PLCH1: variants seen among roughly 807,000 people sequenced by gnomAD.
PLCH1 encodes the protein 1-phosphatidylinositol 4,5-bisphosphate phosphodiesterase eta-1.
PLCH1 carries 60 observed loss-of-function variants against 126.7 expected under a neutral mutation model. The ratio of observed to expected loss-of-function variants is 0.47; its 90% CI spans 0.38 to 0.59. PLCH1 has a LOEUF of 0.59. Ranked by LOEUF, PLCH1 falls within the 20% of genes least tolerant of loss-of-function variation. PLCH1 has a pLI of 0.00. For missense variants in PLCH1, 1,723 were observed against 2,040.0 expected, an observed-to-expected ratio of 0.84 and a Z score of 2.99; for synonymous variants, 719 against 734.9, an observed-to-expected ratio of 0.98 and a Z score of 0.35.
chr3:155,729,341 A>G (rs142766910), intron 1 of PLCH1, among the ~76,000 whole-genome samples: 1 of 152,322 alleles, frequency 6.6e-6, no homozygotes, highest in Non-Finnish European at 1.5e-5. Flanking sequence ...ATGCCAATCC[A>G]AACTCCAAAC....
chr3:155,711,596 G>A (rs561500422), intron 1 of PLCH1, among the ~76,000 whole-genome samples: 69 of 152,026 alleles, frequency 4.5e-4, no homozygotes, highest in African/African-American at 1.4e-3. Flanking sequence ...CTGATTTTTC[G>A]CTCCTCTAGA....
intron 2 of PLCH1, chr3:155,676,369 T>A: frequency 2.9e-6 from 3 of 1,050,160 alleles, no homozygotes; most frequent in Non-Finnish European, 3.4e-6. Context: ...ACTTTGGGTA[T>A]GAGACATGCA....
intron 2 of PLCH1, among the ~76,000 whole-genome samples, chr3:155,702,687 A>G (rs1746363716): frequency 6.6e-6 from 1 of 152,232 alleles, no homozygotes; most frequent in Non-Finnish European, 1.5e-5. Context: ...AATGAGTTTA[A>G]GGCACTTAAA....
intron 2 of PLCH1, among the ~76,000 whole-genome samples, chr3:155,636,989 T>C (rs543274762): frequency 6.6e-6 from 1 of 152,352 alleles, no homozygotes; most frequent in East Asian, 1.9e-4. Flanking sequence ...ATTTTTACTG[T>C]AGTCCACAAA....
At chr3:155,496,417 A>C (rs1717042097) in intron 15 of PLCH1, among the ~76,000 whole-genome samples, 1 of 152,110 alleles carries the variant, frequency 6.6e-6, no homozygotes, top group South Asian at 2.1e-4. Flanking sequence ...TGTGAAATTC[A>C]TTTAAATCTT....
intron 6 of PLCH1, among the ~76,000 whole-genome samples, chr3:155,582,075 C>CTTTTTTTTTTTTTTTTTTTTTTTT (rs869254665): frequency 6.2e-5 from 4 of 64,126 alleles, no homozygotes; most frequent in Admixed American, 2.6e-4. Flanking sequence ...TCTTTTCTTT[C>CTTTTTTTTTTTTTTTTTTTTTTTT]TTTTTTTTTT....
chr3:155,659,270 C>T (rs1165287894), intron 2 of PLCH1, among the ~76,000 whole-genome samples: 6 of 142,030 alleles, frequency 4.2e-5, no homozygotes, highest in Non-Finnish European at 9.0e-5. Context: ...ACTGCTCTGA[C>T]CACAGGCCAG....
intron 6 of PLCH1, 42 bp downstream of exon 6, chr3:155,583,430 A>G: frequency 1.4e-6 from 2 of 1,444,072 alleles, no homozygotes; most frequent in Non-Finnish European, 1.9e-6. Flanking sequence ...ATCTTTCATG[A>G]GTACTTTTAA....
intron 9 of PLCH1, 124 bp from the exon 10 acceptor site, chr3:155,550,082 G>T: frequency 1.7e-6 from 1 of 576,034 alleles, no homozygotes; most frequent in Non-Finnish European, 2.9e-6. Context: ...TACTGATGAT[G>T]GTTAAAATGC....
At chr3:155,569,317 C>T (rs1298880122) in intron 6 of PLCH1, among the ~76,000 whole-genome samples, 1 of 152,044 alleles carries the variant, frequency 6.6e-6, no homozygotes, top group Non-Finnish European at 1.5e-5. Context: ...ATTATATTTT[C>T]TCAAATATTC....
chr3:155,481,848 T>C lies in PLCH1; in HGVS notation c.4178A>G (p.Gln1393Arg). Reference sequence around the variant, plus strand: ...ACAGTAGCCGTTTCTCAAACCTCTTTGAAAGTGTTCTACCACACCCTGATT... The same window carrying C: ...ACAGTAGCCGTTTCTCAAACCTCTTCGAAAGTGTTCTACCACACCCTGATT... ...KYNQGVVEHF[Q>R]RGLRNGYCKE... is the part of the protein sequence containing the mutation. The change falls in exon 23 of 23, where the codon CAA becomes CGA. Residue 1393 changes from glutamine (Q) to arginine (R), a missense_variant. Physicochemically the swap from Gln to Arg is conservative, Grantham distance 43. Coordinates refer to ENST00000460012, the MANE Select transcript of PLCH1 (RefSeq NM_014996.4). This position sits in a 1 kb window ranked among gnomAD's most constrained non-coding sequence, Gnocchi z 4.2. 6.2e-7 allele frequency: 1 copy of C among 1,614,170 alleles called. No homozygotes were observed. The highest frequency in any genetic ancestry group is 8.5e-7 in the Non-Finnish European group (1 of 1,180,034).
chr3:155,537,264 A>T (rs1200843022), intron 10 of PLCH1, among the ~76,000 whole-genome samples: 2 of 138,496 alleles, frequency 1.4e-5, no homozygotes, highest in South Asian at 2.3e-4. Flanking sequence ...TTGAAAGAAA[A>T]CCTCAAAATA....
At chr3:155,735,858 G>T (rs959097544) in intron 1 of PLCH1, among the ~76,000 whole-genome samples, 1 of 152,064 alleles carries the variant, frequency 6.6e-6, no homozygotes, top group Non-Finnish European at 1.5e-5. Flanking sequence ...AATATGTTAC[G>T]TCTGAAAAAA....
rs58234955 is a variant in PLCH1, at chr3:155,662,867, T to C, written c.79+41279A>G. On this transcript the variant is annotated intron_variant, in intron 2 of 22. Transcript: ENST00000460012. ...TTAGTAGAGATGGGGTTTCGCCATGTTGGCCAGGCTGGTCTTGAACTCCTG... is the reference window on the plus strand; with the variant it reads ...TTAGTAGAGATGGGGTTTCGCCATGCTGGCCAGGCTGGTCTTGAACTCCTG... Among the ~76,000 whole-genome samples, 816 of 152,296 alleles carry C rather than the reference T, an allele frequency of 5.4e-3. 10 individuals are homozygous for C. The highest frequency in any genetic ancestry group is 0.019 in the African/African-American group (777 of 41,568).
chr3:155,516,589 T>C (rs1208928401), intron 11 of PLCH1, among the ~76,000 whole-genome samples: 1 of 152,000 alleles, frequency 6.6e-6, no homozygotes, highest in Non-Finnish European at 1.5e-5. Context: ...GGGTAGCAAC[T>C]CTAGAAACAG....
chr3:155,612,427 A>T (rs1345452132), intron 2 of PLCH1, among the ~76,000 whole-genome samples: 1 of 152,048 alleles, frequency 6.6e-6, no homozygotes, highest in African/African-American at 2.4e-5. Context: ...TCACACCTCA[A>T]GGAACTTGAG....
At chr3:155,490,297 A>G (rs1715980988) in intron 19 of PLCH1, among the ~76,000 whole-genome samples, 2 of 152,204 alleles carry the variant, frequency 1.3e-5, no homozygotes, top group Admixed American at 1.3e-4. Context: ...CGAAAATATA[A>G]GAAGAATGCT....
At chr3:155,744,532 G>T (rs925069218) in intron 1 of PLCH1, among the ~76,000 whole-genome samples, 3 of 152,134 alleles carry the variant, frequency 2.0e-5, no homozygotes, top group Non-Finnish European at 2.9e-5. Context: ...ACCTTCCACC[G>T]GGCGAAACGC....
At chr3:155,663,011 A>T (rs1742350554) in intron 2 of PLCH1, among the ~76,000 whole-genome samples, 1 of 152,142 alleles carries the variant, frequency 6.6e-6, no homozygotes, top group African/African-American at 2.4e-5. Context: ...TATAATTTAA[A>T]AAAGTATTAA....
Sources: allele counts gnomAD v4.1 joint callset (sites outside exome capture counted in the v4.1 genomes callset), GRCh38; gene constraint gnomAD v4.1.1; non-coding constraint Gnocchi (gnomAD v3.1); transcripts MANE v1.5; gene names NCBI Gene and HGNC (gene_info 2026-07-23, HGNC 2026-07-21).